Variants in ATXN2L observed in about 807,000 individuals in gnomAD.
ATXN2L encodes the protein ataxin 2 like.
ATXN2L carries 24 observed loss-of-function variants against 120.7 expected under a neutral mutation model. That is an observed-to-expected ratio of 0.20 (90% CI 0.14 to 0.28). ATXN2L has a LOEUF of 0.28. Ranked by LOEUF, ATXN2L falls within the 10% of genes least tolerant of loss-of-function variation. The probability of loss-of-function intolerance (pLI) is 1.00; values close to 1 mark genes in which losing one functional copy is unlikely to be tolerated. For synonymous variants in ATXN2L, 653 were observed against 568.1 expected, an observed-to-expected ratio of 1.15 and a Z score of -2.13; for missense variants, 1,312 against 1,432.3, an observed-to-expected ratio of 0.92 and a Z score of 1.36.
At chr16:28,835,437 G>C in intron 20 of ATXN2L, 38 bp downstream of exon 20, 1 of 1,611,890 alleles carries the variant, frequency 6.2e-7, no homozygotes, top group South Asian at 1.1e-5. Context: ...TCCTGGTGCA[G>C]GAATGGGTGG....
rs540764645 is a variant in ATXN2L at position 28,824,582 on chromosome 16, G to C, written c.300-784G>C. 5.1e-5 allele frequency: 64 copies of C among 1,264,444 alleles called. 1 individual carries two copies. In the South Asian group the frequency reaches 7.7e-4, roughly 15 times the overall value. 78.3% of individuals were successfully genotyped at this position (1,264,444 alleles called of 1,614,324 possible). A position where few individuals can be genotyped will look rare whatever the true frequency, so the allele number is the denominator to read the frequency against. On this transcript the variant is annotated intron_variant, in intron 1 of 21. Transcript: ENST00000336783. ...GAATGAGTCATGAGGTCGAGGGGAT[G>C]GGGTGTGGAGGGGATACCCCTCCTC...
Position 28,837,032 on chromosome 16 carries a change from C to A in ATXN2L, c.*767C>A, listed in dbSNP as rs759407770. On this transcript the variant is annotated 3_prime_UTR_variant, in exon 22 of 22. Transcript: ENST00000336783. ...TGCCCTCCCATCCTCTCATCTATTC[C>A]CCCGCTGGAGACGGAAGATCTTTTA... The A allele has an allele frequency of 1.5e-6, 1 of 667,410 alleles. No homozygotes were observed. The highest frequency in any genetic ancestry group is 2.7e-6 in the Non-Finnish European group (1 of 363,964). 41.3% of individuals were successfully genotyped at this position (667,410 alleles called of 1,614,324 possible).
chr16:28,823,182 G>C lies in ATXN2L; in HGVS notation c.-78G>C, dbSNP rs1484052230. 233 of 949,594 alleles carry C rather than the reference G, an allele frequency of 2.5e-4. No homozygotes were observed. Among genetic ancestry groups the C allele is most frequent in the Non-Finnish European group, 2.9e-4 (219 of 750,356 alleles). 58.8% of individuals were successfully genotyped at this position (949,594 alleles called of 1,614,324 possible). A position where few individuals can be genotyped will look rare whatever the true frequency, so the allele number is the denominator to read the frequency against. On this transcript the variant is annotated 5_prime_UTR_variant, in exon 1 of 22. Coordinates refer to ENST00000336783, the MANE Select transcript of ATXN2L (RefSeq NM_007245.4). ...GGCTGCCCGATCCCCCTCGCTTCCC[G>C]CGCTCTCCAGCGGGGCCCCAGCCCC...
At chr16:28,834,240 G>A in intron 16 of ATXN2L, 29 bp downstream of exon 16, 1 of 1,611,106 alleles carries the variant, frequency 6.2e-7, no homozygotes, top group Non-Finnish European at 8.5e-7. Flanking sequence ...CGGGCCCAGG[G>A]TTAGCGGGGT....
At chr16:28,825,276 G>T in intron 1 of ATXN2L, 90 bp from the exon 2 acceptor site, 2 of 1,184,378 alleles carry the variant, frequency 1.7e-6, no homozygotes, top group Admixed American at 3.9e-5. Context: ...GCATCATCAG[G>T]TGGTATATAC....
In ATXN2L at chr16:28,833,336, A is replaced by T. The variant is rs139719437; in HGVS notation, c.1937A>T (p.Asp646Val). Residue 646 changes from aspartate to valine, a missense_variant, in exon 14 of 22, where the codon GAT (aspartate) becomes GTT (valine). Asp to Val is a radical substitution (Grantham distance 152, BLOSUM62 -3). Coordinates refer to ENST00000336783, the MANE Select transcript of ATXN2L (RefSeq NM_007245.4). ...GGCCTCATCAAGGGAGAAGACAAAG[A>T]TGAGGGCCCTGTTGCTGAGTGAGTG... is the stretch of plus-strand genomic sequence containing the variant. ...PVGLIKGEDK[D>V]EGPVAEQVKK... 24 of 1,613,352 alleles carry T rather than the reference A, an allele frequency of 1.5e-5. 1 individual carries two copies. In the African/African-American group the frequency reaches 3.2e-4, roughly 22 times the overall value.
chr16:28,834,866 G>A, intron 18 of ATXN2L, 173 bp downstream of exon 18: 5 of 1,144,452 alleles, frequency 4.4e-6, no homozygotes, highest in Non-Finnish European at 6.0e-6. Context: ...GGTGGTACCT[G>A]TAACAAGGCA....
At position 28,835,260 on chromosome 16, in the gene ATXN2L, C is replaced by G. The variant is rs1959978639; in HGVS notation, c.2564-18C>G. ...CTCTGGTGTGCTCAGCACTGGTTCT[C>G]CCTCTTTCCTGCTGCAGCCACTGTT... On this transcript the variant is annotated intron_variant, in intron 19 of 21. Transcript: ENST00000336783. 1 of 1,613,746 alleles carries G rather than the reference C, an allele frequency of 6.2e-7. No individual in the cohort carries two copies. The highest frequency in any genetic ancestry group is 8.5e-7 in the Non-Finnish European group (1 of 1,179,896).
Position 28,833,279 on chromosome 16 carries a change from C to T in ATXN2L, c.1880C>T (p.Pro627Leu), listed in dbSNP as rs752233208. The change falls in exon 14 of 22, where the codon CCT becomes CTT. Residue 627 changes from proline to leucine, a missense_variant. By Grantham distance (98) the Pro-to-Leu change is moderately conservative. Transcript: ENST00000336783. ...GAGGGGCCAGAGCAGCCCCCACCAC[C>T]TTGTCCAAGCCAAACTGGCAGCCCC... ...GTEGPEQPPP[P>L]CPSQTGSPPV... The T allele has an allele frequency of 1.2e-6, 2 of 1,614,220 alleles. No individual in the cohort carries two copies. The highest frequency in any genetic ancestry group is 2.7e-5 in the African/African-American group (2 of 75,072).
Position 28,823,376 on chromosome 16 carries a change from G to A in ATXN2L, c.117G>A (p.Pro39=). Reference sequence around the variant, plus strand: ...CCAGCCCTCCCAACGGCGGCCTCCCGGGGCCGCTGGCCACCTCTGCGGCTC... The same window carrying A: ...CCAGCCCTCCCAACGGCGGCCTCCCAGGGCCGCTGGCCACCTCTGCGGCTC... ...GGTSPPNGGL[P]GPLATSAAPP... is the part of the protein sequence containing the mutation. Residue 39 remains proline, a synonymous_variant, in exon 1 of 22, where the codon CCG becomes CCA. Coordinates refer to ENST00000336783, the MANE Select transcript of ATXN2L (RefSeq NM_007245.4). 2 of 1,341,470 alleles carry A rather than the reference G, an allele frequency of 1.5e-6. No individual in the cohort carries two copies. The highest frequency in any genetic ancestry group is 1.9e-6 in the Non-Finnish European group (2 of 1,049,624). The allele number at this position is 1,341,470 out of a possible 1,614,324, so 83.1% of individuals were successfully genotyped here.
chr16:28,826,518 A>C (rs1416968841), intron 5 of ATXN2L, 128 bp downstream of exon 5: 4 of 1,138,266 alleles, frequency 3.5e-6, no homozygotes, highest in Non-Finnish European at 1.2e-6. Context: ...GTTTTGCTTT[A>C]ATGCCTTTTT....
chr16:28,826,622 T>TA (rs1480169125), intron 5 of ATXN2L: 24 of 595,390 alleles, frequency 4.0e-5, no homozygotes, highest in Non-Finnish European at 5.0e-5. Context: ...TTGTGGTTCT[T>TA]CATATTTTCT....
chr16:28,823,951 G>GT, intron 1 of ATXN2L: 2 of 304,072 alleles, frequency 6.6e-6, no homozygotes, highest in Non-Finnish European at 1.0e-5. Context: ...GCGGGAAGGG[G>GT]TCCCCGGCCG....
intron 1 of ATXN2L, chr16:28,824,185 C>T (rs2050802597): frequency 9.6e-7 from 1 of 1,037,376 alleles, no homozygotes; most frequent in Non-Finnish European, 1.2e-6. Context: ...ATGACCCGGG[C>T]ATTCGCGCGC....
chr16:28,828,087 G>C (rs1361748199), intron 6 of ATXN2L, among the ~76,000 whole-genome samples: 1 of 152,138 alleles, frequency 6.6e-6, no homozygotes, highest in Non-Finnish European at 1.5e-5. Context: ...ACAGCAAATT[G>C]TATTTGTCCT....
rs2051873596 is a variant in ATXN2L at position 28,826,151 on chromosome 16, C to T, written c.466-89C>T. 10 of 1,507,172 alleles carry T rather than the reference C, an allele frequency of 6.6e-6. No individual in the cohort carries two copies. In the South Asian group the frequency reaches 7.2e-5, roughly 11 times the overall value. 93.4% of individuals were successfully genotyped at this position (1,507,172 alleles called of 1,614,324 possible). On this transcript the variant is annotated intron_variant, in intron 4 of 21. Coordinates refer to ENST00000336783, the MANE Select transcript of ATXN2L (RefSeq NM_007245.4). ...AAAGTTTGGGAAGGGTAAGAGAAATCCAGTTCTATTTAAGAGAAATCCAGT... is the reference window on the plus strand; with the variant it reads ...AAAGTTTGGGAAGGGTAAGAGAAATTCAGTTCTATTTAAGAGAAATCCAGT...
Position 28,823,577 on chromosome 16 carries a change from G to A in ATXN2L, c.299+19G>A, listed in dbSNP as rs1423483717. On this transcript the variant is annotated intron_variant, in intron 1 of 21. Transcript: ENST00000336783. ...GCGCCAGGTGAGAAGGGTGGGCTCC[G>A]GGCGAGGGAGCCGCGGCCACCCAGA... 3.8e-6 allele frequency: 5 copies of A among 1,312,656 alleles called. No individual in the cohort carries two copies. The East Asian group carries it at 1.2e-4, about 33-fold the overall frequency. The allele number at this position is 1,312,656 out of a possible 1,614,324, so 81.3% of individuals were successfully genotyped here.
At chr16:28,824,487 C>G (rs564761829) in intron 1 of ATXN2L, 56 of 1,288,072 alleles carry the variant, frequency 4.3e-5, no homozygotes, top group Non-Finnish European at 5.7e-5. Flanking sequence ...CCTCAACCGC[C>G]GGTTACATCA....
intron 5 of ATXN2L, 42 bp downstream of exon 5, chr16:28,826,432 T>C (rs1310963319): frequency 1.0e-5 from 16 of 1,596,386 alleles, no homozygotes; most frequent in African/African-American, 1.3e-5. Flanking sequence ...TCTGTGTGCA[T>C]AGAGGACAGA....
Sources: allele counts gnomAD v4.1 joint callset (sites outside exome capture counted in the v4.1 genomes callset), GRCh38; gene constraint gnomAD v4.1.1; transcripts MANE v1.5; gene names NCBI Gene and HGNC (gene_info 2026-07-23, HGNC 2026-07-21).